Variants in CC2D2A observed in about 807,000 individuals in gnomAD.
The protein encoded by CC2D2A is coiled-coil and C2 domain-containing protein 2A.
A neutral mutation model predicts 212.9 loss-of-function variants in CC2D2A; 155 were observed. The observed-to-expected ratio is 0.73, with a 90% CI of 0.64 to 0.83. The LOEUF is 0.83. Ranked by LOEUF, CC2D2A falls within the 40% of genes least tolerant of loss-of-function variation. The pLI is 0.00. For synonymous variants in CC2D2A, 667 were observed against 686.5 expected (o/e 0.97, Z 0.44); for missense variants, 1,856 against 1,956.2 (o/e 0.95, Z 0.97).
chr4:15,498,107 A>G (rs1577326097), intron 4 of CC2D2A, among the ~76,000 whole-genome samples: 1 of 152,216 alleles, frequency 6.6e-6, no homozygotes, highest in East Asian at 1.9e-4. Context: ...GTGATAGGAA[A>G]GAGGAGAGAG....
chr4:15,559,177 C>T lies in CC2D2A; in HGVS notation c.2842C>T (p.Arg948Trp), dbSNP rs563295435. 3.6e-5 allele frequency: 55 copies of T among 1,545,238 alleles called. 1 individual carries two copies. The highest frequency in any genetic ancestry group is 3.3e-4 in the Middle Eastern group (2 of 5,974). ...MEKVFQDYEK[R>W]LRDRNVIETK... ...TTTTTAATTTTAGGACTATGAGAAACGGTTACGAGACAGAAATGTAATAGA... is the reference window on the plus strand; with the variant it reads ...TTTTTAATTTTAGGACTATGAGAAATGGTTACGAGACAGAAATGTAATAGA... Residue 948 changes from arginine (R) to tryptophan (W), a missense_variant, in exon 22 of 37, where the codon CGG becomes TGG. Arg to Trp is a moderately radical substitution (Grantham distance 101, BLOSUM62 -3). This residue lies in a region of CC2D2A where 1,512 missense variants were observed against 1,579.3 expected (regional missense o/e 0.96). Coordinates refer to ENST00000424120, the MANE Select transcript of CC2D2A (RefSeq NM_001378615.1).
intron 29 of CC2D2A, among the ~76,000 whole-genome samples, chr4:15,575,644 T>A (rs1275032752): frequency 6.6e-6 from 1 of 152,266 alleles, no homozygotes; most frequent in Non-Finnish European, 1.5e-5. Context: ...ATCTCCCATC[T>A]GCAATGCACT....
At chr4:15,481,109 G>C in intron 4 of CC2D2A, 1 of 469,342 alleles carries the variant, frequency 2.1e-6, no homozygotes, top group Non-Finnish European at 4.2e-6. Context: ...AGCCTAGTGG[G>C]AGGTGTCTGG....
At position 15,478,792 on chromosome 4, in the gene CC2D2A, C is replaced by A; in HGVS notation, c.109C>A (p.Pro37Thr). ...QNKNSKVRRQ[P>T]RKKQPPTAVP... is the part of the protein sequence containing the mutation. ...TAAGAACTCAAAGGTTCGAAGACAG[C>A]CAAGAAAGAAACAGGTAAGAAGTGA... Residue 37 changes from proline to threonine, a missense_variant, in exon 3 of 37, where the codon CCA becomes ACA. Pro to Thr is a conservative substitution (Grantham distance 38, BLOSUM62 -1). Coordinates refer to ENST00000424120, the MANE Select transcript of CC2D2A (RefSeq NM_001378615.1). 1 of 1,553,324 alleles carries A rather than the reference C, an allele frequency of 6.4e-7. No individual in the cohort carries two copies. Among genetic ancestry groups the A allele is most frequent in the East Asian group, 2.4e-5 (1 of 41,076 alleles).
At chr4:15,598,493 C>T (rs1031313962) in intron 35 of CC2D2A, among the ~76,000 whole-genome samples, 7 of 152,156 alleles carry the variant, frequency 4.6e-5, no homozygotes, top group African/African-American at 9.7e-5. Context: ...TCCCCTACCT[C>T]GTAAGGTTAT....
chr4:15,482,867 A>T (rs1479476043), intron 4 of CC2D2A, among the ~76,000 whole-genome samples: 1 of 137,740 alleles, frequency 7.3e-6, no homozygotes. Context: ...CATGGAGATG[A>T]TCTATGCATT....
chr4:15,560,264 C>T lies in CC2D2A; in HGVS notation c.2923-267C>T, dbSNP rs570591280. Among the ~76,000 whole-genome samples the T allele has an allele frequency of 5.3e-5, 8 of 152,194 alleles. No individual in the cohort carries two copies. In the South Asian group the frequency reaches 1.7e-3, roughly 32 times the overall value. ...TAATTCATTATTTCAGCAAATTTTG[C>T]CATCTTATATGCCGGGAACTTTACC... On this transcript the variant is annotated intron_variant, in intron 22 of 36. Coordinates refer to ENST00000424120, the MANE Select transcript of CC2D2A (RefSeq NM_001378615.1).
At chr4:15,584,403 A>C (rs1280158101) in intron 30 of CC2D2A, among the ~76,000 whole-genome samples, 1 of 152,216 alleles carries the variant, frequency 6.6e-6, no homozygotes, top group East Asian at 1.9e-4. Flanking sequence ...ATTGGGAAAA[A>C]GGACAGTCTG....
chr4:15,540,278 A>G (rs1221568604), intron 16 of CC2D2A, among the ~76,000 whole-genome samples: 1 of 151,852 alleles, frequency 6.6e-6, no homozygotes, highest in Non-Finnish European at 1.5e-5. Flanking sequence ...TTAAAGACCA[A>G]TGGGAGGTTG....
intron 6 of CC2D2A, among the ~76,000 whole-genome samples, chr4:15,503,294 C>T (rs1716070744): frequency 6.6e-6 from 1 of 152,120 alleles, no homozygotes; most frequent in Admixed American, 6.6e-5. Context: ...CAGTGAGACC[C>T]TATTTCAAAA....
chr4:15,534,061 T>G (rs1167454195), intron 14 of CC2D2A, among the ~76,000 whole-genome samples: 1 of 152,264 alleles, frequency 6.6e-6, no homozygotes, highest in Non-Finnish European at 1.5e-5. Context: ...AATTTATATT[T>G]TCCTGACTAT....
At chr4:15,559,329 CT>C in intron 22 of CC2D2A, 72 bp downstream of exon 22, 1 of 956,044 alleles carries the variant, frequency 1.0e-6, no homozygotes, top group Non-Finnish European at 1.6e-6. Context: ...AAGTCCTCTA[CT>C]CTTTTAAATA....
At chr4:15,538,668 A>T (rs1560172133) in intron 16 of CC2D2A, among the ~76,000 whole-genome samples, 1 of 152,236 alleles carries the variant, frequency 6.6e-6, no homozygotes, top group Non-Finnish European at 1.5e-5. Context: ...CAGATATGAT[A>T]AAAATACATG....
Position 15,537,964 on chromosome 4 carries a change from G to A in CC2D2A, c.1830G>A (p.Pro610=), listed in dbSNP as rs185072004. ...ATCCCGGTGATGAGATTGCAGAGCC[G>A]TATCCCGAGGAGGACCTTGTGAAGC... ...EEHPGDEIAE[P]YPEEDLVKPS... is the part of the protein sequence containing the mutation. The change falls in exon 16 of 37, where the codon CCG becomes CCA. Residue 610 remains proline (P), a synonymous_variant. Transcript: ENST00000424120. 225 of 1,609,974 alleles carry A rather than the reference G, an allele frequency of 1.4e-4. 1 individual carries two copies. The East Asian group carries it at 2.5e-3, about 18-fold the overall frequency.
At chr4:15,485,956 G>A (rs1400137932) in intron 4 of CC2D2A, among the ~76,000 whole-genome samples, 3 of 152,010 alleles carry the variant, frequency 2.0e-5, no homozygotes, top group African/African-American at 7.2e-5. Flanking sequence ...TTGATATGAT[G>A]TATTACTTTA....
intron 2 of CC2D2A, among the ~76,000 whole-genome samples, chr4:15,477,800 G>A (rs554496547): frequency 2.7e-4 from 41 of 152,244 alleles, no homozygotes; most frequent in Non-Finnish European, 4.4e-4. Flanking sequence ...CTGTTATTGC[G>A]GTTCATGTCT....
In CC2D2A at chr4:15,537,949, T is replaced by C; in HGVS notation, c.1815T>C (p.Asp605=). ...AAGCAGCAGAAGAACATCCCGGTGATGAGATTGCAGAGCCGTATCCCGAGG... is the reference window on the plus strand; with the variant it reads ...AAGCAGCAGAAGAACATCCCGGTGACGAGATTGCAGAGCCGTATCCCGAGG... ...RKQAAEEHPG[D]EIAEPYPEED... The change falls in exon 16 of 37, where the codon GAT becomes GAC. Residue 605 remains aspartate, a synonymous_variant. Transcript: ENST00000424120. 1 of 1,609,534 alleles carries C rather than the reference T, an allele frequency of 6.2e-7. No individual in the cohort carries two copies. The highest frequency in any genetic ancestry group is 8.5e-7 in the Non-Finnish European group (1 of 1,177,966).
At chr4:15,597,076 A>T (rs1721352872) in intron 34 of CC2D2A, among the ~76,000 whole-genome samples, 2 of 152,206 alleles carry the variant, frequency 1.3e-5, no homozygotes, top group Admixed American at 1.3e-4. Flanking sequence ...GTTAATGAAG[A>T]CAGGAATTTT....
intron 4 of CC2D2A, among the ~76,000 whole-genome samples, chr4:15,493,273 C>T (rs374215539): frequency 9.6e-5 from 12 of 125,318 alleles, no homozygotes; most frequent in South Asian, 5.1e-4. Context: ...TATTTATTTA[C>T]TTACTTACTT....
Sources: gnomAD v4.1 joint callset for allele counts (sites outside exome capture counted in the v4.1 genomes callset) on GRCh38, gnomAD v4.1.1 for gene constraint, gnomAD v4.1.1 regional missense constraint, MANE v1.5 for transcripts, NCBI Gene and HGNC (gene_info 2026-07-23, HGNC 2026-07-21) for gene names.